The following SHC4 variants were observed in gnomAD, a reference collection of about 807,000 sequenced individuals.
The protein encoded by SHC4 is SHC-transforming protein 4.
In SHC4, 41 loss-of-function variants were observed where a neutral mutation model predicts 69.4. The observed-to-expected ratio is 0.59, with a 90% CI of 0.46 to 0.77. The LOEUF (loss-of-function observed/expected upper bound fraction) is 0.77. Ranked by LOEUF, SHC4 falls within the 30% of genes least tolerant of loss-of-function variation. The pLI, the probability that SHC4 is intolerant of heterozygous loss-of-function variation, is 0.00. For missense variants in SHC4, 777 were observed against 783.8 expected, an observed-to-expected ratio of 0.99 and a Z score of 0.10; for synonymous variants, 318 against 299.3, an observed-to-expected ratio of 1.06 and a Z score of -0.64.
chr15:48,855,637 T>C (rs1899298874), intron 8 of SHC4, among the ~76,000 whole-genome samples: 1 of 152,006 alleles, frequency 6.6e-6, no homozygotes, highest in African/African-American at 2.4e-5. Context: ...GCTTTGGAGA[T>C]AGTTGCTAAG....
rs1017519837 is a variant in SHC4, at chr15:48,916,566, A to AC, written c.656+8312_656+8313insG. ...CTGTCTATAGCATCAGTTCAAAAAA[A>AC]AAAAAAAACACTACTCAGGGTTTCT... is the stretch of plus-strand genomic sequence containing the variant. On this transcript the variant is annotated intron_variant, in intron 2 of 11. Transcript: ENST00000332408. Among the ~76,000 whole-genome samples, 24 of 151,592 alleles carry AC rather than the reference A, an allele frequency of 1.6e-4. No homozygotes were observed. In the South Asian group the frequency reaches 3.8e-3, roughly 24 times the overall value.
chr15:48,892,151 G>A (rs558090261), intron 2 of SHC4, among the ~76,000 whole-genome samples: 3 of 151,910 alleles, frequency 2.0e-5, no homozygotes, highest in Admixed American at 1.3e-4. Flanking sequence ...CACCGCGCCC[G>A]GCCATGCAGA....
At chr15:48,945,441 T>C (rs1901258598) in intron 1 of SHC4, among the ~76,000 whole-genome samples, 1 of 152,192 alleles carries the variant, frequency 6.6e-6, no homozygotes, top group South Asian at 2.1e-4. Context: ...GCACTATTCA[T>C]AATAGCCCAA....
chr15:48,922,338 A>G (rs1445241897), intron 2 of SHC4, among the ~76,000 whole-genome samples: 2 of 152,230 alleles, frequency 1.3e-5, no homozygotes, highest in Non-Finnish European at 2.9e-5. Flanking sequence ...AATGAACAGA[A>G]GATTAGTCAT....
chr15:48,950,022 TAATA>T (rs1416951766), intron 1 of SHC4, among the ~76,000 whole-genome samples: 4 of 142,222 alleles, frequency 2.8e-5, no homozygotes, highest in African/African-American at 1.0e-4. Context: ...TATTTATTAT[TAATA>T]AATAATATAA....
intron 11 of SHC4, among the ~76,000 whole-genome samples, chr15:48,830,414 T>C (rs564472615): frequency 6.6e-6 from 1 of 152,336 alleles, no homozygotes; most frequent in East Asian, 1.9e-4. Context: ...ATAGTTATTG[T>C]TGCATAATAA....
At position 48,949,919 on chromosome 15, in the gene SHC4, A is replaced by G. The variant is rs936298802; in HGVS notation, c.585+12512T>C. Among the ~76,000 whole-genome samples, 51 of 144,220 alleles carry G rather than the reference A, an allele frequency of 3.5e-4. 1 individual carries two copies. Among genetic ancestry groups the G allele is most frequent in the Middle Eastern group, 7.2e-3 (2 of 276 alleles). 94.6% of individuals were successfully genotyped at this position (144,220 alleles called of 152,430 possible). A position where few individuals can be genotyped will look rare whatever the true frequency, so the allele number is the denominator to read the frequency against. On this transcript the variant is annotated intron_variant, in intron 1 of 11. Transcript: ENST00000332408. ...GTTATAAATTATACATATAATTTAT[A>G]TAATATATTAATATGCAGATTATAT...
At chr15:48,887,131 G>A (rs527873038) in intron 3 of SHC4, among the ~76,000 whole-genome samples, 8 of 152,262 alleles carry the variant, frequency 5.3e-5, no homozygotes, top group Admixed American at 4.6e-4. Flanking sequence ...TCACATAAAT[G>A]AATAAATCAT....
At chr15:48,919,809 C>A (rs1900709356) in intron 2 of SHC4, among the ~76,000 whole-genome samples, 2 of 152,124 alleles carry the variant, frequency 1.3e-5, no homozygotes, top group African/African-American at 4.8e-5. Flanking sequence ...GCTTCCATAA[C>A]TGCTTAGAAC....
At chr15:48,917,243 TTG>T (rs3985853) in intron 2 of SHC4, among the ~76,000 whole-genome samples, 6,232 of 137,014 alleles carry the variant, frequency 0.045, 152 homozygotes, top group East Asian at 0.092. Flanking sequence ...ACCTGATTTC[TTG>T]TGTGTGTGTG....
chr15:48,847,675 C>A (rs1478576863), intron 9 of SHC4, among the ~76,000 whole-genome samples: 1 of 152,298 alleles, frequency 6.6e-6, no homozygotes, highest in South Asian at 2.1e-4. Flanking sequence ...TTAAATTGCT[C>A]ATTGGTCAAG....
intron 10 of SHC4, among the ~76,000 whole-genome samples, chr15:48,838,269 C>T (rs1269841860): frequency 1.3e-5 from 2 of 152,134 alleles, no homozygotes; most frequent in Admixed American, 1.3e-4. Flanking sequence ...AGAATGTGCA[C>T]ATTGGGTGAT....
chr15:48,932,439 C>T (rs1160346597), intron 1 of SHC4, among the ~76,000 whole-genome samples: 1 of 152,154 alleles, frequency 6.6e-6, no homozygotes, highest in Non-Finnish European at 1.5e-5. Context: ...ATCCAGCTTT[C>T]TTAGAATGAT....
chr15:48,891,152 C>T (rs997977239), intron 2 of SHC4, among the ~76,000 whole-genome samples: 2 of 152,124 alleles, frequency 1.3e-5, no homozygotes, highest in Non-Finnish European at 2.9e-5. Flanking sequence ...GGAAATACTT[C>T]GCAGTTTTAT....
chr15:48,858,893 G>A (rs1443984551), intron 6 of SHC4, among the ~76,000 whole-genome samples: 1 of 152,190 alleles, frequency 6.6e-6, no homozygotes, highest in Non-Finnish European at 1.5e-5. Flanking sequence ...CTGAGAAAAG[G>A]AAAGCAGGGG....
At chr15:48,949,820 A>AAT (rs577323846) in intron 1 of SHC4, among the ~76,000 whole-genome samples, 1,610 of 146,346 alleles carry the variant, frequency 0.011, 16 homozygotes, top group Middle Eastern at 0.018. Context: ...ATTACAAATT[A>AAT]ATATATATAT....
intron 11 of SHC4, among the ~76,000 whole-genome samples, chr15:48,830,701 C>T (rs1413721012): frequency 6.6e-6 from 1 of 152,120 alleles, no homozygotes; most frequent in Non-Finnish European, 1.5e-5. Flanking sequence ...AACATGGATC[C>T]CCAACACCAA....
At chr15:48,912,326 G>C (rs1352565428) in intron 2 of SHC4, among the ~76,000 whole-genome samples, 1 of 152,144 alleles carries the variant, frequency 6.6e-6, no homozygotes, top group African/African-American at 2.4e-5. Flanking sequence ...TTAATTAGAA[G>C]ACCTTGTCTT....
chr15:48,898,701 C>G (rs185774062), intron 2 of SHC4, among the ~76,000 whole-genome samples: 1 of 152,334 alleles, frequency 6.6e-6, no homozygotes, highest in East Asian at 1.9e-4. Context: ...CCCTATAACT[C>G]TCACTAGTTA....
Sources: gnomAD v4.1 joint callset for allele counts (sites outside exome capture counted in the v4.1 genomes callset) on GRCh38, gnomAD v4.1.1 for gene constraint, MANE v1.5 for transcripts, NCBI Gene and HGNC (gene_info 2026-07-23, HGNC 2026-07-21) for gene names.